The following RBM6 variants were observed in gnomAD, a reference collection of about 807,000 sequenced individuals.
The protein encoded by RBM6 is RNA-binding protein 6.
RBM6 carries 23 observed loss-of-function variants against 140.4 expected under a neutral mutation model. That is an observed-to-expected ratio of 0.16 (90% CI 0.12 to 0.23). The LOEUF (loss-of-function observed/expected upper bound fraction) is 0.23, where lower values mean the gene tolerates loss of function less well. Ranked by LOEUF, RBM6 falls within the 10% of genes least tolerant of loss-of-function variation. RBM6 has a pLI of 1.00. For synonymous variants in RBM6, 439 were observed against 475.6 expected, an observed-to-expected ratio of 0.92 and a Z score of 1.00; for missense variants, 1,139 against 1,386.7, an observed-to-expected ratio of 0.82 and a Z score of 2.84.
chr3:49,963,659 G>T (rs150950617), intron 2 of RBM6, among the ~76,000 whole-genome samples: 29 of 152,222 alleles, frequency 1.9e-4, no homozygotes, highest in African/African-American at 5.3e-4. Context: ...GTAGCATTTA[G>T]TTGTAAATAG....
chr3:49,998,641 G>A (rs1287033756), intron 5 of RBM6, among the ~76,000 whole-genome samples: 1 of 152,192 alleles, frequency 6.6e-6, no homozygotes, highest in Non-Finnish European at 1.5e-5. Flanking sequence ...TTGCTTAGGA[G>A]TAAGGTGAAG....
chr3:50,002,351 T>G (rs1559571669), intron 6 of RBM6, among the ~76,000 whole-genome samples: 1 of 151,576 alleles, frequency 6.6e-6, no homozygotes, highest in Non-Finnish European at 1.5e-5. Context: ...AACCTCTACC[T>G]CCTGGGTTCA....
intron 6 of RBM6, among the ~76,000 whole-genome samples, chr3:50,011,227 A>C (rs1046425082): frequency 2.0e-5 from 3 of 152,086 alleles, no homozygotes; most frequent in African/African-American, 7.2e-5. Flanking sequence ...CTCTTAAAAA[A>C]AAAAAGGCAT....
At chr3:49,990,473 G>A (rs1164459366) in intron 5 of RBM6, among the ~76,000 whole-genome samples, 1 of 152,216 alleles carries the variant, frequency 6.6e-6, no homozygotes, top group Non-Finnish European at 1.5e-5. Flanking sequence ...TCATATGCAT[G>A]CAGTTTGCTG....
intron 7 of RBM6, among the ~76,000 whole-genome samples, chr3:50,049,299 A>T (rs1424880759): frequency 6.6e-6 from 1 of 151,668 alleles, no homozygotes; most frequent in Non-Finnish European, 1.5e-5. Context: ...TTTAGTAGAG[A>T]TGGGGTTTCA....
At chr3:50,054,680 A>G (rs1035697189) in intron 8 of RBM6, among the ~76,000 whole-genome samples, 4 of 151,412 alleles carry the variant, frequency 2.6e-5, no homozygotes, top group African/African-American at 9.7e-5. Context: ...AGCCCGGCTA[A>G]TTTTTTTGTA....
intron 6 of RBM6, among the ~76,000 whole-genome samples, chr3:50,001,912 A>T (rs903128354): frequency 6.6e-6 from 1 of 152,220 alleles, no homozygotes; most frequent in South Asian, 2.1e-4. Flanking sequence ...TGGCAATTTT[A>T]GAGGGGTGGT....
chr3:50,010,386 C>T (rs762369496), intron 6 of RBM6, among the ~76,000 whole-genome samples: 27 of 151,670 alleles, frequency 1.8e-4, no homozygotes, highest in Admixed American at 1.2e-3. Flanking sequence ...CAAGGGTGGC[C>T]GGGGAGTCGG....
At chr3:49,961,153 C>G (rs894662666) in intron 1 of RBM6, among the ~76,000 whole-genome samples, 2 of 152,138 alleles carry the variant, frequency 1.3e-5, no homozygotes, top group African/African-American at 4.8e-5. Context: ...TCTTGGCTGA[C>G]TGTAGCCTCC....
intron 6 of RBM6, among the ~76,000 whole-genome samples, chr3:50,011,480 T>C (rs889751143): frequency 6.6e-6 from 1 of 152,202 alleles, no homozygotes; most frequent in Non-Finnish European, 1.5e-5. Flanking sequence ...TAGGGGAGAT[T>C]CCTGTAATCG....
intron 1 of RBM6, among the ~76,000 whole-genome samples, chr3:49,955,143 A>G (rs1204386601): frequency 8.6e-5 from 10 of 116,774 alleles, no homozygotes; most frequent in African/African-American, 1.6e-4. Flanking sequence ...AGGGCCGCAT[A>G]GTATTTTTTT....
intron 1 of RBM6, among the ~76,000 whole-genome samples, chr3:49,951,287 A>G (rs1340001573): frequency 6.6e-6 from 1 of 151,910 alleles, no homozygotes; most frequent in Non-Finnish European, 1.5e-5. Flanking sequence ...ATCTTGGCTC[A>G]CTGCAACCTC....
intron 7 of RBM6, among the ~76,000 whole-genome samples, chr3:50,053,215 C>A (rs769507748): frequency 6.6e-5 from 10 of 151,968 alleles, no homozygotes; most frequent in Non-Finnish European, 1.2e-4. Flanking sequence ...ATACAGTAGG[C>A]CAAATACATG....
At chr3:50,029,002 G>A (rs1304949350) in intron 6 of RBM6, among the ~76,000 whole-genome samples, 1 of 152,160 alleles carries the variant, frequency 6.6e-6, no homozygotes, top group African/African-American at 2.4e-5. Flanking sequence ...GATGGAGCTA[G>A]CCATATATTC....
intron 2 of RBM6, among the ~76,000 whole-genome samples, chr3:49,965,895 A>T (rs12631309): frequency 0.079 from 12,027 of 152,030 alleles, 521 homozygotes; most frequent in African/African-American, 0.11. Flanking sequence ...GGAGACAGAG[A>T]TGGGTGGCTC....
At chr3:50,069,732 T>C (rs1227308763) in intron 18 of RBM6, among the ~76,000 whole-genome samples, 2 of 152,086 alleles carry the variant, frequency 1.3e-5, no homozygotes, top group Admixed American at 6.5e-5. Flanking sequence ...CTGTTAGAGA[T>C]AGTGAATTCA....
intron 19 of RBM6, among the ~76,000 whole-genome samples, chr3:50,072,105 A>T (rs1312341691): frequency 7.1e-6 from 1 of 140,122 alleles, no homozygotes; most frequent in African/African-American, 2.6e-5. Flanking sequence ...AAAAAAAAAA[A>T]GAAAAGGAAA....
chr3:49,952,592 C>CGG lies in RBM6; in HGVS notation c.-66-9982_-66-9981dup, dbSNP rs1476433134. Among the ~76,000 whole-genome samples, 7 of 151,452 alleles carry CGG rather than the reference C, an allele frequency of 4.6e-5. No individual in the cohort carries two copies. In the East Asian group the frequency reaches 1.2e-3, roughly 25 times the overall value. Reference sequence around the variant, plus strand: ...TCGACTCAACGCAACCTCTGTCTCCCGGGTTCAAGTGATTCTCCTGCCTCA... The same window carrying CGG: ...TCGACTCAACGCAACCTCTGTCTCCCGGGGGTTCAAGTGATTCTCCTGCCTCA... On this transcript the variant is annotated intron_variant, in intron 1 of 20. Transcript: ENST00000266022.
chr3:49,969,237 C>T (rs2084661777), intron 3 of RBM6, among the ~76,000 whole-genome samples: 1 of 149,652 alleles, frequency 6.7e-6, no homozygotes, highest in South Asian at 2.1e-4. Flanking sequence ...GTTGGCCAGG[C>T]TGGTCTCGAA....
Sources: gnomAD v4.1 joint callset for allele counts (sites outside exome capture counted in the v4.1 genomes callset) on GRCh38, gnomAD v4.1.1 for gene constraint, MANE v1.5 for transcripts, NCBI Gene and HGNC (gene_info 2026-07-23, HGNC 2026-07-21) for gene names.